GREB1L: variants seen among roughly 807,000 people sequenced by gnomAD.
GREB1L encodes GREB1 like retinoic acid receptor coactivator.
Under a neutral mutation model 200.8 loss-of-function variants are expected in GREB1L, and 17 were observed. That is an observed-to-expected ratio of 0.08 (90% CI 0.06 to 0.13). GREB1L has a LOEUF of 0.13. GREB1L is among the 10% of genes least tolerant of loss of function. The probability of loss-of-function intolerance (pLI) is 1.00; values close to 1 mark genes in which losing one functional copy is unlikely to be tolerated. For missense variants in GREB1L, 1,657 were observed against 2,367.7 expected (o/e 0.70, Z 6.23); for synonymous variants, 789 against 893.0 (o/e 0.88, Z 2.08).
At chr18:21,249,860 T>TAA (rs78648006) in intron 1 of GREB1L, among the ~76,000 whole-genome samples, 9 of 134,532 alleles carry the variant, frequency 6.7e-5, no homozygotes, top group Non-Finnish European at 1.1e-4. Context: ...ACTCTGTCTT[T>TAA]AAAAAAAAAA....
chr18:21,348,213 G>T lies in GREB1L; in HGVS notation c.-119-17814G>T, dbSNP rs536897371. ...GCCCGCCTGAGCCTCCGAACGTGCT[G>T]GGATTACAGGCGTGAGCCACCGCGC... On this transcript the variant is annotated intron_variant, in intron 1 of 32. Coordinates refer to ENST00000424526, the MANE Select transcript of GREB1L (RefSeq NM_001142966.3). Among the ~76,000 whole-genome samples, 13 of 151,800 alleles carry T rather than the reference G, an allele frequency of 8.6e-5. No homozygotes were observed. In the East Asian group the frequency reaches 1.8e-3, roughly 21 times the overall value.
chr18:21,410,594 G>A (rs2030860291), intron 7 of GREB1L, among the ~76,000 whole-genome samples: 2 of 151,916 alleles, frequency 1.3e-5, no homozygotes, highest in African/African-American at 4.8e-5. Context: ...GGCAGAGGTT[G>A]CAGGGAGCCA....
At chr18:21,330,298 G>A (rs965556234) in intron 1 of GREB1L, among the ~76,000 whole-genome samples, 1 of 152,198 alleles carries the variant, frequency 6.6e-6, no homozygotes, top group African/African-American at 2.4e-5. Flanking sequence ...TTCACAGGGT[G>A]CGTCCAGAAC....
chr18:21,268,560 C>CACACATATAT (rs1204514384), intron 1 of GREB1L, among the ~76,000 whole-genome samples: 54 of 63,514 alleles, frequency 8.5e-4, no homozygotes, highest in African/African-American at 1.3e-3. Context: ...CACACACACA[C>CACACATATAT]ATATATATAT....
At chr18:21,467,866 C>G (rs999269820) in intron 15 of GREB1L, among the ~76,000 whole-genome samples, 1 of 151,564 alleles carries the variant, frequency 6.6e-6, no homozygotes, top group South Asian at 2.1e-4. Context: ...CTACTAAAAA[C>G]GCAAAAAAAT....
intron 1 of GREB1L, among the ~76,000 whole-genome samples, chr18:21,293,481 A>G (rs761585017): frequency 2.6e-5 from 4 of 152,248 alleles, no homozygotes; most frequent in Admixed American, 6.5e-5. Context: ...ATGAATTACC[A>G]GAAGAAGGCA....
intron 1 of GREB1L, among the ~76,000 whole-genome samples, chr18:21,305,276 T>G (rs1323729576): frequency 6.6e-6 from 1 of 152,162 alleles, no homozygotes; most frequent in East Asian, 1.9e-4. Context: ...ACCCGGCCCC[T>G]ATGTTAATCT....
chr18:21,258,821 T>C (rs1186871215), intron 1 of GREB1L, among the ~76,000 whole-genome samples: 1 of 152,184 alleles, frequency 6.6e-6, no homozygotes, highest in Non-Finnish European at 1.5e-5. Context: ...ACCTATATAA[T>C]TTAAGTAATA....
intron 17 of GREB1L, among the ~76,000 whole-genome samples, chr18:21,483,091 A>G (rs1327143952): frequency 1.3e-5 from 2 of 152,232 alleles, no homozygotes; most frequent in East Asian, 1.9e-4. Flanking sequence ...CTCAAAACCC[A>G]TACTGGCTCT....
intron 1 of GREB1L, among the ~76,000 whole-genome samples, chr18:21,334,966 C>T (rs1598668046): frequency 6.6e-6 from 1 of 152,058 alleles, no homozygotes; most frequent in Non-Finnish European, 1.5e-5. Context: ...TCTTTGTGAG[C>T]CTACCATTAA....
chr18:21,288,904 A>G (rs2038401891), intron 1 of GREB1L, among the ~76,000 whole-genome samples: 1 of 151,774 alleles, frequency 6.6e-6, no homozygotes, highest in South Asian at 2.1e-4. Flanking sequence ...CGCCCAGCTA[A>G]TTTTTGTATT....
At chr18:21,494,901 T>C (rs886112440) in intron 19 of GREB1L, among the ~76,000 whole-genome samples, 2 of 152,240 alleles carry the variant, frequency 1.3e-5, no homozygotes, top group Non-Finnish European at 2.9e-5. Context: ...GATATGTTTA[T>C]GTTTTCAAGA....
chr18:21,306,065 A>T (rs1485048464), intron 1 of GREB1L, among the ~76,000 whole-genome samples: 1 of 152,190 alleles, frequency 6.6e-6, no homozygotes. Context: ...AAACATCACT[A>T]TCTAAAATTC....
chr18:21,348,321 A>G (rs1213845787), intron 1 of GREB1L, among the ~76,000 whole-genome samples: 6 of 151,786 alleles, frequency 4.0e-5, no homozygotes, highest in African/African-American at 9.7e-5. Flanking sequence ...TCTCCCACCT[A>G]GGCAGTCACC....
chr18:21,479,664 G>C (rs1598904117), intron 17 of GREB1L, among the ~76,000 whole-genome samples: 2 of 150,262 alleles, frequency 1.3e-5, no homozygotes, highest in South Asian at 4.2e-4. Flanking sequence ...GAGAGACATA[G>C]CAAGACCCTG....
At chr18:21,277,895 G>C (rs375451794) in intron 1 of GREB1L, among the ~76,000 whole-genome samples, 29 of 152,152 alleles carry the variant, frequency 1.9e-4, no homozygotes, top group Admixed American at 1.1e-3. Context: ...TCTGCTCAAT[G>C]AATGTGTGAG....
At chr18:21,439,141 A>G (rs1296174395) in intron 7 of GREB1L, among the ~76,000 whole-genome samples, 1 of 152,010 alleles carries the variant, frequency 6.6e-6, no homozygotes, top group Admixed American at 6.6e-5. Flanking sequence ...AAATGTTGAA[A>G]TTGGATGGTG....
chr18:21,466,468 A>G (rs1463643164), intron 15 of GREB1L, among the ~76,000 whole-genome samples: 2 of 152,090 alleles, frequency 1.3e-5, no homozygotes, highest in Non-Finnish European at 2.9e-5. Flanking sequence ...TTGCAAAAAT[A>G]GTACAAGGGA....
At chr18:21,485,586 C>G in intron 17 of GREB1L, 34 bp from the exon 18 acceptor site, 1 of 1,545,218 alleles carries the variant, frequency 6.5e-7, no homozygotes, top group Non-Finnish European at 8.7e-7. Flanking sequence ...TGTATCCTGT[C>G]CTCATTGGGT....
Sources: gnomAD v4.1 joint callset for allele counts (sites outside exome capture counted in the v4.1 genomes callset) on GRCh38, gnomAD v4.1.1 for gene constraint, MANE v1.5 for transcripts, NCBI Gene and HGNC (gene_info 2026-07-23, HGNC 2026-07-21) for gene names.